HPGDS: variants seen among roughly 807,000 people sequenced by gnomAD.
HPGDS encodes the protein hematopoietic prostaglandin D synthase.
In HPGDS, 26 loss-of-function variants were observed where a neutral mutation model predicts 23.1. That is an observed-to-expected ratio of 1.13 (90% CI 0.83 to 1.56). The LOEUF is 1.56. Ranked by LOEUF, HPGDS falls within the 40% of genes most tolerant of loss-of-function variation. HPGDS has a pLI of 0.00. For synonymous variants in HPGDS, 95 were observed against 77.9 expected (o/e 1.22, Z -1.16); for missense variants, 268 against 236.4 (o/e 1.13, Z -0.88).
chr4:94,322,470 T>A (rs1467385266), intron 2 of HPGDS, among the ~76,000 whole-genome samples: 2 of 152,232 alleles, frequency 1.3e-5, no homozygotes, highest in African/African-American at 4.8e-5. Flanking sequence ...GGGATTCAAC[T>A]TCTTCCTGGT....
chr4:94,334,343 C>T, intron 2 of HPGDS, 154 bp downstream of exon 2: 1 of 561,350 alleles, frequency 1.8e-6, no homozygotes, highest in Non-Finnish European at 2.9e-6. Context: ...AGGAAATTTG[C>T]TTGATCACAC....
intron 2 of HPGDS, among the ~76,000 whole-genome samples, chr4:94,331,391 T>C (rs1181244718): frequency 6.6e-6 from 1 of 152,200 alleles, no homozygotes; most frequent in Non-Finnish European, 1.5e-5. Context: ...TTTTTTCTGC[T>C]TCTTTGTTTA....
In HPGDS at chr4:94,302,290, G is replaced by A. The variant is rs374688863; in HGVS notation, c.337-46C>T. The stretch of plus-strand genomic sequence containing the variant: ...CACTTTAAGAATAATGAGAAGAAAA[G>A]TAACATGATCTGAGGAGGAAGTAGA... On this transcript the variant is annotated intron_variant, in intron 4 of 5. Coordinates refer to ENST00000295256, the MANE Select transcript of HPGDS (RefSeq NM_014485.3). The A allele has an allele frequency of 3.6e-5, 48 of 1,331,264 alleles. 2 individuals carry two copies. The South Asian group carries it at 5.6e-4, about 15-fold the overall frequency. The allele number at this position is 1,331,264 out of a possible 1,614,324, so 82.5% of individuals were successfully genotyped here.
chr4:94,314,013 A>T (rs1383134685), intron 3 of HPGDS, among the ~76,000 whole-genome samples: 1 of 152,080 alleles, frequency 6.6e-6, no homozygotes, highest in African/African-American at 2.4e-5. Context: ...ACTTCTCTGC[A>T]TTGGTTATTC....
chr4:94,312,683 C>G (rs1230757061), intron 3 of HPGDS, among the ~76,000 whole-genome samples: 1 of 152,114 alleles, frequency 6.6e-6, no homozygotes, highest in Non-Finnish European at 1.5e-5. Flanking sequence ...ACTTCAATTC[C>G]TGGATATCCT....
chr4:94,306,532 A>C (rs1756141695), intron 4 of HPGDS, among the ~76,000 whole-genome samples: 1 of 152,110 alleles, frequency 6.6e-6, no homozygotes, highest in Non-Finnish European at 1.5e-5. Context: ...TAAATGGCTC[A>C]GGAAATGACC....
intron 2 of HPGDS, among the ~76,000 whole-genome samples, chr4:94,323,513 G>A (rs978375908): frequency 1.3e-5 from 2 of 152,150 alleles, no homozygotes; most frequent in African/African-American, 2.4e-5. Context: ...TTACCATTAT[G>A]TAATGGCCTT....
chr4:94,308,571 C>T, intron 4 of HPGDS, 63 bp downstream of exon 4: 1 of 805,366 alleles, frequency 1.2e-6, no homozygotes, highest in Non-Finnish European at 2.1e-6. Flanking sequence ...TCTAAGGCAC[C>T]TAACACAATG....
intron 3 of HPGDS, among the ~76,000 whole-genome samples, chr4:94,316,044 C>T (rs1165073542): frequency 6.6e-6 from 1 of 152,058 alleles, no homozygotes; most frequent in Non-Finnish European, 1.5e-5. Context: ...TTTTTTTACC[C>T]AACAAATAAT....
At position 94,299,446 on chromosome 4, in the gene HPGDS, C is replaced by A; in HGVS notation, c.*34G>T. The stretch of plus-strand genomic sequence containing the variant: ...TCTTATCTGATGAGAGAGATGCCCC[C>A]GAGAAAAACAAACTTGAAGGCAACA... On this transcript the variant is annotated 3_prime_UTR_variant, in exon 6 of 6. Transcript: ENST00000295256. 6.4e-7 allele frequency: 1 copy of A among 1,571,656 alleles called. No individual in the cohort carries two copies. Among genetic ancestry groups the A allele is most frequent in the Non-Finnish European group, 8.7e-7 (1 of 1,155,668 alleles).
chr4:94,308,377 C>G (rs1400260629), intron 4 of HPGDS, among the ~76,000 whole-genome samples: 1 of 151,824 alleles, frequency 6.6e-6, no homozygotes, highest in East Asian at 1.9e-4. Context: ...ATTTATTTAT[C>G]CTATAGAAAT....
At chr4:94,339,910 C>A (rs1721103391) in intron 1 of HPGDS, among the ~76,000 whole-genome samples, 1 of 152,152 alleles carries the variant, frequency 6.6e-6, no homozygotes, top group African/African-American at 2.4e-5. Flanking sequence ...TCCCCTTTAA[C>A]TTGGCTCTGG....
Position 94,318,529 on chromosome 4 carries a change from A to G in HPGDS, c.134-564T>C, listed in dbSNP as rs1756440655. Among the ~76,000 whole-genome samples, 6 of 152,068 alleles carry G rather than the reference A, an allele frequency of 3.9e-5. No individual in the cohort carries two copies. The South Asian group carries it at 1.2e-3, about 32-fold the overall frequency. ...TGTTGTTTAATTTCCATATATTTGTATAGTTTCCAAAGGTCTTTTTATATT... is the reference window on the plus strand; with the variant it reads ...TGTTGTTTAATTTCCATATATTTGTGTAGTTTCCAAAGGTCTTTTTATATT... On this transcript the variant is annotated intron_variant, in intron 2 of 5. Transcript: ENST00000295256.
At chr4:94,318,493 A>G (rs536091965) in intron 2 of HPGDS, among the ~76,000 whole-genome samples, 1 of 152,298 alleles carries the variant, frequency 6.6e-6, no homozygotes, top group South Asian at 2.1e-4. Context: ...CCTAGTGATC[A>G]TTCAGGACCA....
intron 3 of HPGDS, among the ~76,000 whole-genome samples, chr4:94,310,930 C>T (rs1756254687): frequency 6.6e-6 from 1 of 152,064 alleles, no homozygotes; most frequent in Non-Finnish European, 1.5e-5. Context: ...TGATTTGGCT[C>T]TCTGTTTGTC....
At chr4:94,311,083 C>T (rs989066350) in intron 3 of HPGDS, among the ~76,000 whole-genome samples, 8 of 152,130 alleles carry the variant, frequency 5.3e-5, no homozygotes, top group East Asian at 3.8e-4. Flanking sequence ...CATCTGCAAA[C>T]GGGGACAATT....
intron 1 of HPGDS, among the ~76,000 whole-genome samples, chr4:94,334,951 A>T (rs78486141): frequency 0.037 from 5,709 of 152,258 alleles, 352 homozygotes; most frequent in African/African-American, 0.13. Flanking sequence ...AGCAAAAAAA[A>T]CTTCCCACTT....
At chr4:94,305,751 T>C (rs775882592) in intron 4 of HPGDS, among the ~76,000 whole-genome samples, 11 of 152,130 alleles carry the variant, frequency 7.2e-5, no homozygotes, top group Non-Finnish European at 1.5e-4. Flanking sequence ...TTACACTACA[T>C]GAAACTCTTG....
chr4:94,331,352 T>C (rs1756733564), intron 2 of HPGDS, among the ~76,000 whole-genome samples: 1 of 152,236 alleles, frequency 6.6e-6, no homozygotes, highest in Admixed American at 6.5e-5. Context: ...TTTTTCTCGC[T>C]AAATCATCTT....
Sources: allele counts gnomAD v4.1 joint callset (sites outside exome capture counted in the v4.1 genomes callset), GRCh38; gene constraint gnomAD v4.1.1; transcripts MANE v1.5; gene names NCBI Gene and HGNC (gene_info 2026-07-23, HGNC 2026-07-21).